The following PI4K2B variants were observed in gnomAD, a reference collection of about 807,000 sequenced individuals.
PI4K2B encodes phosphatidylinositol 4-kinase type 2 beta, also known as phosphatidylinositol 4-kinase type 2-beta.
A neutral mutation model predicts 56.6 loss-of-function variants in PI4K2B; 46 were observed. That is an observed-to-expected ratio of 0.81 (90% confidence interval 0.64 to 1.04). PI4K2B has a LOEUF of 1.04. PI4K2B is among the 50% of genes least tolerant of loss of function. The pLI, the probability that PI4K2B is intolerant of heterozygous loss-of-function variation, is 0.00. For missense variants in PI4K2B, 556 were observed against 607.7 expected (o/e 0.91, Z 0.89); for synonymous variants, 211 against 223.8 (o/e 0.94, Z 0.51).
At chr4:25,269,109 T>A in intron 8 of PI4K2B, 35 bp from the exon 9 acceptor site, 2 of 1,244,432 alleles carry the variant, frequency 1.6e-6, no homozygotes, top group Non-Finnish European at 2.3e-6. Flanking sequence ...TCAAAGTCTT[T>A]ATTTTGGGAA....
intron 1 of PI4K2B, among the ~76,000 whole-genome samples, chr4:25,241,510 C>G (rs963339627): frequency 5.9e-5 from 9 of 152,310 alleles, no homozygotes; most frequent in African/African-American, 2.2e-4. Flanking sequence ...GAGGGCCATG[C>G]ATGTGCGTAT....
At chr4:25,264,653 T>G (rs1360651551) in intron 7 of PI4K2B, among the ~76,000 whole-genome samples, 1 of 151,738 alleles carries the variant, frequency 6.6e-6, no homozygotes, top group African/African-American at 2.4e-5. Context: ...AGCAGATCAC[T>G]TGAGCTCAGG....
intron 9 of PI4K2B, chr4:25,276,304 T>C (rs747946456): frequency 2.8e-6 from 1 of 357,414 alleles, no homozygotes; most frequent in Non-Finnish European, 3.9e-6. Flanking sequence ...TCTTTGAACA[T>C]GATATGTAAT....
chr4:25,249,502 G>A (rs1466935914), intron 1 of PI4K2B, among the ~76,000 whole-genome samples: 16 of 150,080 alleles, frequency 1.1e-4, no homozygotes, highest in South Asian at 4.3e-4. Context: ...CCTCCCGGAC[G>A]GGGTGGCTGC....
chr4:25,267,018 G>C (rs1049842685), intron 7 of PI4K2B, among the ~76,000 whole-genome samples: 1 of 152,158 alleles, frequency 6.6e-6, no homozygotes, highest in East Asian at 1.9e-4. Flanking sequence ...GAGAGAAGGA[G>C]TAGCTTACAA....
chr4:25,261,731 G>GTATGAT (rs71188932), intron 6 of PI4K2B, among the ~76,000 whole-genome samples: 149,893 of 152,144 alleles, frequency 0.99, 73,844 homozygotes, highest in Non-Finnish European at 0.99. Context: ...GGAACATATT[G>GTATGAT]TATATTTATA....
intron 9 of PI4K2B, among the ~76,000 whole-genome samples, chr4:25,275,727 C>T (rs899563122): frequency 6.6e-6 from 1 of 152,086 alleles, no homozygotes; most frequent in Non-Finnish European, 1.5e-5. Flanking sequence ...GATCCTAAAA[C>T]ATAAACATAA....
In PI4K2B at chr4:25,234,400, C is replaced by T. The variant is rs1184377421; in HGVS notation, c.237C>T (p.Ala79=). 1.4e-6 allele frequency: 2 copies of T among 1,388,620 alleles called. No homozygotes were observed. The highest frequency in any genetic ancestry group is 2.6e-4 in the Middle Eastern group (1 of 3,864). The allele number at this position is 1,388,620 out of a possible 1,614,324, so 86.0% of individuals were successfully genotyped here. The part of the protein sequence containing the change: ...GDVGVSRSSS[A]ELDRSRPAVS... Reference sequence around the variant, plus strand: ...TGGGGGTCTCCCGGAGTTCGTCCGCCGAGCTGGACCGGAGCCGCCCCGCGG... The same window carrying T: ...TGGGGGTCTCCCGGAGTTCGTCCGCTGAGCTGGACCGGAGCCGCCCCGCGG... Residue 79 remains alanine (A), a synonymous_variant, in exon 1 of 10, where the codon GCC becomes GCT. Transcript: ENST00000264864.
intron 1 of PI4K2B, among the ~76,000 whole-genome samples, chr4:25,235,263 G>A (rs1046980435): frequency 6.6e-6 from 1 of 152,218 alleles, no homozygotes; most frequent in African/African-American, 2.4e-5. Flanking sequence ...ACACCTCCCT[G>A]CTGGTTGTGA....
At position 25,259,158 on chromosome 4, in the gene PI4K2B, T is replaced by C. The variant is rs1453799263; in HGVS notation, c.878T>C (p.Leu293Ser). 6.3e-7 allele frequency: 1 copy of C among 1,577,024 alleles called. No homozygotes were observed. Among genetic ancestry groups the C allele is most frequent in the Non-Finnish European group, 8.7e-7 (1 of 1,149,864 alleles). The change falls in exon 5 of 10, where the codon TTA (leucine) becomes TCA (serine). Residue 293 changes from leucine to serine, a missense_variant. By Grantham distance (145) the Leu-to-Ser change is moderately radical. Transcript: ENST00000264864. ...RKQFQSQFERLVILDYIIRNT... is the reference protein window; with the variant it reads ...RKQFQSQFERSVILDYIIRNT... The stretch of plus-strand genomic sequence containing the variant: ...CAATTTCAGTCACAATTTGAAAGAT[T>C]AGTTATTTTGGATTACATCATCAGA...
intron 1 of PI4K2B, among the ~76,000 whole-genome samples, chr4:25,238,840 C>T (rs576394244): frequency 2.6e-3 from 393 of 152,256 alleles, no homozygotes; most frequent in African/African-American, 3.5e-3. Context: ...GGGACCTGAG[C>T]AGGTTGCCAC....
intron 9 of PI4K2B, among the ~76,000 whole-genome samples, chr4:25,269,639 CAA>C (rs201514191): frequency 7.0e-5 from 9 of 127,954 alleles, no homozygotes; most frequent in East Asian, 2.1e-4. Context: ...AACTCCATCT[CAA>C]AAAAAAAAAA....
chr4:25,269,081 T>G, intron 8 of PI4K2B, 63 bp from the exon 9 acceptor site: 1 of 888,466 alleles, frequency 1.1e-6, no homozygotes. Context: ...AGAGTTCATC[T>G]GTTTTCAAAT....
intron 4 of PI4K2B, among the ~76,000 whole-genome samples, chr4:25,256,984 C>T (rs1039710730): frequency 6.7e-6 from 1 of 148,210 alleles, no homozygotes; most frequent in Non-Finnish European, 1.5e-5. Flanking sequence ...AGACCTAATC[C>T]CAGCCTCTCT....
At chr4:25,254,020 A>G (rs1031136141) in intron 2 of PI4K2B, among the ~76,000 whole-genome samples, 6 of 152,164 alleles carry the variant, frequency 3.9e-5, no homozygotes, top group Admixed American at 2.6e-4. Context: ...CTCACCTCCC[A>G]AAGTGCTGGG....
chr4:25,276,580 C>T (rs1405306980), intron 9 of PI4K2B: 7 of 846,164 alleles, frequency 8.3e-6, no homozygotes, highest in African/African-American at 3.7e-5. Flanking sequence ...GAACCTCGCA[C>T]ATAGTAGGCA....
intron 1 of PI4K2B, among the ~76,000 whole-genome samples, chr4:25,236,246 TAAATAAATAAATTTTA>T (rs1715258203): frequency 7.3e-6 from 1 of 137,918 alleles, no homozygotes; most frequent in South Asian, 2.5e-4. Context: ...AATAAATAAA[TAAATAAATAAATTTTA>T]TTCTCTGTTG....
At chr4:25,248,155 C>G (rs1028086364) in intron 1 of PI4K2B, among the ~76,000 whole-genome samples, 3 of 152,154 alleles carry the variant, frequency 2.0e-5, no homozygotes, top group Non-Finnish European at 4.4e-5. Flanking sequence ...AAGTTACATA[C>G]TTCATACATA....
chr4:25,245,675 C>G (rs1715733000), intron 1 of PI4K2B, among the ~76,000 whole-genome samples: 1 of 152,138 alleles, frequency 6.6e-6, no homozygotes, highest in African/African-American at 2.4e-5. Flanking sequence ...CGGTATTTAG[C>G]CCCCGTTCTA....
Sources: allele counts gnomAD v4.1 joint callset (sites outside exome capture counted in the v4.1 genomes callset), GRCh38; gene constraint gnomAD v4.1.1; transcripts MANE v1.5; gene names NCBI Gene and HGNC (gene_info 2026-07-23, HGNC 2026-07-21).